The following FOCAD variants were observed in gnomAD, a reference collection of about 807,000 sequenced individuals.
FOCAD encodes focadhesin, also known as KIAA1797.
In FOCAD, 198 loss-of-function variants were observed where a neutral mutation model predicts 225.6. The ratio of observed to expected loss-of-function variants is 0.88; its 90% CI spans 0.78 to 0.99. The LOEUF is 0.99. FOCAD is among the 50% of genes least tolerant of loss of function. FOCAD has a pLI of 0.00. For synonymous variants in FOCAD, 897 were observed against 755.0 expected (o/e 1.19, Z -3.08); for missense variants, 2,713 against 2,123.6 (o/e 1.28, Z -5.46).
intron 4 of FOCAD, among the ~76,000 whole-genome samples, chr9:20,721,121 G>A (rs969717436): frequency 1.3e-5 from 2 of 152,144 alleles, no homozygotes; most frequent in African/African-American, 2.4e-5. Context: ...GGTCAAACAG[G>A]ACCATGTTTG....
chr9:20,882,125 G>A, intron 20 of FOCAD, 69 bp downstream of exon 20: 1 of 1,346,070 alleles, frequency 7.4e-7, no homozygotes, highest in Non-Finnish European at 1.0e-6. Flanking sequence ...CTTTCAAGTA[G>A]GATATAATGG....
intron 24 of FOCAD, among the ~76,000 whole-genome samples, chr9:20,921,363 T>C (rs1268393531): frequency 6.6e-6 from 1 of 152,226 alleles, no homozygotes; most frequent in African/African-American, 2.4e-5. Flanking sequence ...ATAAATACTC[T>C]GTGGAAGCTG....
At chr9:20,874,611 G>A (rs1019425477) in intron 18 of FOCAD, 70 bp from the exon 19 acceptor site, 2 of 1,524,542 alleles carry the variant, frequency 1.3e-6, no homozygotes, top group Non-Finnish European at 1.8e-6. Flanking sequence ...TCACAAAAAA[G>A]GATACAGAAA....
At chr9:20,802,076 G>A (rs1224464580) in intron 11 of FOCAD, among the ~76,000 whole-genome samples, 1 of 152,122 alleles carries the variant, frequency 6.6e-6, no homozygotes, top group Non-Finnish European at 1.5e-5. Flanking sequence ...TTTCAAATGG[G>A]TAGACATGGC....
At position 20,778,733 on chromosome 9, in the gene FOCAD, C is replaced by T. The variant is rs763312970; in HGVS notation, c.959C>T (p.Thr320Ile). ...IIGIALLLLQ[T>I]PASQQKPILN... Reference sequence around the variant, plus strand: ...GGAATAGCTTTACTACTTCTACAGACTCCAGCAAGTCAGCAGAAGCCAATC... The same window carrying T: ...GGAATAGCTTTACTACTTCTACAGATTCCAGCAAGTCAGCAGAAGCCAATC... The change falls in exon 9 of 44, where the codon ACT (threonine) becomes ATT (isoleucine). Residue 320 changes from threonine to isoleucine, a missense_variant. Transcript: ENST00000338382. 10 of 1,611,822 alleles carry T rather than the reference C, an allele frequency of 6.2e-6. No homozygotes were observed. The South Asian group carries it at 9.9e-5, about 16-fold the overall frequency.
intron 2 of FOCAD, among the ~76,000 whole-genome samples, chr9:20,659,558 A>G (rs942288153): frequency 6.6e-6 from 1 of 151,752 alleles, no homozygotes; most frequent in Non-Finnish European, 1.5e-5. Context: ...ATGGTGAGAA[A>G]GTGGTCATCT....
At position 20,885,173 on chromosome 9, in the gene FOCAD, A is replaced by G; in HGVS notation, c.2568A>G (p.Arg856=). 6.5e-7 allele frequency: 1 copy of G among 1,547,590 alleles called. No individual in the cohort carries two copies. Among genetic ancestry groups the G allele is most frequent in the South Asian group, 1.3e-5 (1 of 77,602 alleles). ...YQSKDGKPLN[R]LMASRGRSFK... is the part of the protein sequence containing the mutation. ...GTAAAGATGGAAAACCATTGAACAG[A>G]CTGATGGCCAGCAGAGGGCGAAGTT... The change falls in exon 21 of 44, where the codon AGA becomes AGG. Residue 856 remains arginine, a synonymous_variant. Transcript: ENST00000338382.
rs765979914 is a variant in FOCAD at position 20,988,417 on chromosome 9, G to A, written c.4992G>A (p.Thr1664=). The change falls in exon 41 of 44, where the codon ACG becomes ACA. Residue 1664 remains threonine, a synonymous_variant. Transcript: ENST00000338382. ...VAYQSTSFHN[T]ALDKALDFFL... is the part of the protein sequence containing the mutation. ...ACCAGTCAACATCCTTTCACAATACGGCTCTTGACAAGGTAAAATCTAGAG... is the reference window on the plus strand; with the variant it reads ...ACCAGTCAACATCCTTTCACAATACAGCTCTTGACAAGGTAAAATCTAGAG... The A allele has an allele frequency of 2.3e-5, 36 of 1,593,992 alleles. No homozygotes were observed. The highest frequency in any genetic ancestry group is 2.8e-5 in the Non-Finnish European group (33 of 1,163,856).
At chr9:20,713,026 C>G (rs1201440977) in intron 1 of FOCAD, among the ~76,000 whole-genome samples, 5 of 152,124 alleles carry the variant, frequency 3.3e-5, no homozygotes, top group Admixed American at 1.3e-4. Context: ...AGCTACCATG[C>G]CTGGCCCTTT....
chr9:20,718,962 A>G (rs773146783), intron 3 of FOCAD, among the ~76,000 whole-genome samples: 1 of 152,366 alleles, frequency 6.6e-6, no homozygotes, highest in African/African-American at 2.4e-5. Context: ...GAAGTGGAAT[A>G]TAAATATTTC....
At chr9:20,966,884 A>T (rs189613645) in intron 35 of FOCAD, among the ~76,000 whole-genome samples, 1 of 152,064 alleles carries the variant, frequency 6.6e-6, no homozygotes, top group African/African-American at 2.4e-5. Flanking sequence ...ACTGGTCTAT[A>T]TGTCTGTCTT....
intron 11 of FOCAD, among the ~76,000 whole-genome samples, chr9:20,806,463 C>G (rs1311188285): frequency 6.6e-6 from 1 of 152,040 alleles, no homozygotes; most frequent in Non-Finnish European, 1.5e-5. Flanking sequence ...CCTCCCTTCC[C>G]CCTCAAAAAT....
intron 28 of FOCAD, among the ~76,000 whole-genome samples, chr9:20,938,670 G>A (rs1037941035): frequency 2.0e-5 from 3 of 151,888 alleles, no homozygotes; most frequent in African/African-American, 4.8e-5. Flanking sequence ...TATGGCACCT[G>A]TATACATATG....
chr9:20,765,354 T>C (rs1268359240), intron 7 of FOCAD, among the ~76,000 whole-genome samples: 1 of 152,166 alleles, frequency 6.6e-6, no homozygotes, highest in Non-Finnish European at 1.5e-5. Context: ...AAGAAACAGT[T>C]ATCAGGTAAA....
At chr9:20,692,870 G>C (rs1269053201) in intron 1 of FOCAD, among the ~76,000 whole-genome samples, 1 of 152,076 alleles carries the variant, frequency 6.6e-6, no homozygotes, top group Non-Finnish European at 1.5e-5. Flanking sequence ...TTTTCTGAGG[G>C]GGTGCAGCAA....
At chr9:20,746,916 C>G (rs982648845) in intron 5 of FOCAD, among the ~76,000 whole-genome samples, 2 of 152,090 alleles carry the variant, frequency 1.3e-5, no homozygotes. Flanking sequence ...TTTTTGAATT[C>G]CATATAAATG....
chr9:20,793,332 A>G (rs1003146275), intron 11 of FOCAD, among the ~76,000 whole-genome samples: 2 of 152,198 alleles, frequency 1.3e-5, no homozygotes, highest in Non-Finnish European at 2.9e-5. Context: ...AACCTTACAT[A>G]TATATCTGTA....
At chr9:20,897,171 T>C (rs765974346) in intron 21 of FOCAD, 7 of 151,854 alleles carry the variant, frequency 4.6e-5, no homozygotes, top group Non-Finnish European at 1.0e-4. Flanking sequence ...ACAGCTTTCC[T>C]TGTTGTCAAG....
At chr9:20,843,549 T>C (rs571101851) in intron 15 of FOCAD, among the ~76,000 whole-genome samples, 1 of 152,210 alleles carries the variant, frequency 6.6e-6, no homozygotes, top group East Asian at 1.9e-4. Context: ...TCCTTAACCT[T>C]TAGGAGTTTG....
Sources: gnomAD v4.1 joint callset for allele counts (sites outside exome capture counted in the v4.1 genomes callset) on GRCh38, gnomAD v4.1.1 for gene constraint, MANE v1.5 for transcripts, NCBI Gene and HGNC (gene_info 2026-07-23, HGNC 2026-07-21) for gene names.